Variants in TBCK observed in about 807,000 individuals in gnomAD.
The protein encoded by TBCK is TBC1 domain containing kinase.
TBCK carries 99 observed loss-of-function variants against 113.4 expected under a neutral mutation model. That is an observed-to-expected ratio of 0.87 (90% CI 0.74 to 1.03). The LOEUF (loss-of-function observed/expected upper bound fraction) is 1.03. Ranked by LOEUF, TBCK falls within the 50% of genes least tolerant of loss-of-function variation. TBCK has a pLI of 0.00. For synonymous variants in TBCK, 369 were observed against 370.8 expected, an observed-to-expected ratio of 1.00 and a Z score of 0.05; for missense variants, 1,045 against 1,061.3, an observed-to-expected ratio of 0.98 and a Z score of 0.21.
At chr4:106,294,813 G>A (rs1441514109) in intron 3 of TBCK, among the ~76,000 whole-genome samples, 3 of 152,112 alleles carry the variant, frequency 2.0e-5, no homozygotes, top group Admixed American at 6.5e-5. Context: ...CTAGTGAAAT[G>A]CTTAGTACTA....
At chr4:106,235,409 A>G (rs1579342832) in intron 14 of TBCK, 42 bp from the exon 15 acceptor site, 1 of 1,377,816 alleles carries the variant, frequency 7.3e-7, no homozygotes, top group Non-Finnish European at 1.0e-6. Flanking sequence ...CAAATTACCT[A>G]GTGCCATCTT....
intron 23 of TBCK, among the ~76,000 whole-genome samples, chr4:106,166,362 G>A (rs1371841924): frequency 6.6e-6 from 1 of 151,800 alleles, no homozygotes; most frequent in East Asian, 1.9e-4. Flanking sequence ...TGAACTTACA[G>A]AAGTGGTTTT....
intron 2 of TBCK, 67 bp downstream of exon 2, chr4:106,308,701 T>C: frequency 7.2e-7 from 1 of 1,381,306 alleles, no homozygotes; most frequent in Non-Finnish European, 1.0e-6. Flanking sequence ...ATTTAGTGGA[T>C]ATAGTATTTA....
chr4:106,271,859 G>A (rs1763523635), intron 3 of TBCK, among the ~76,000 whole-genome samples: 3 of 152,054 alleles, frequency 2.0e-5, no homozygotes, highest in Admixed American at 2.0e-4. Context: ...TCCCACCAAT[G>A]GAAGAATTTT....
intron 24 of TBCK, among the ~76,000 whole-genome samples, chr4:106,113,093 C>A (rs560735786): frequency 6.6e-6 from 1 of 152,326 alleles, no homozygotes; most frequent in Admixed American, 6.5e-5. Context: ...CCTGGAGAGT[C>A]CACCCGATAT....
chr4:106,131,602 A>G (rs948284221), intron 23 of TBCK, among the ~76,000 whole-genome samples: 3 of 152,196 alleles, frequency 2.0e-5, no homozygotes, highest in Admixed American at 6.5e-5. Context: ...AACAAAAGCA[A>G]AACTCCATCT....
chr4:106,102,270 T>C (rs17036578), intron 24 of TBCK, among the ~76,000 whole-genome samples: 1,720 of 152,326 alleles, frequency 0.011, 31 homozygotes, highest in African/African-American at 0.039. Flanking sequence ...TTGGCCCACA[T>C]TGGGGTTTGG....
intron 3 of TBCK, among the ~76,000 whole-genome samples, chr4:106,294,050 A>C (rs1766001095): frequency 6.6e-6 from 1 of 152,200 alleles, no homozygotes; most frequent in Non-Finnish European, 1.5e-5. Flanking sequence ...AATTGCATTT[A>C]AACTGTATCA....
At chr4:106,152,266 A>G (rs1488254072) in intron 23 of TBCK, among the ~76,000 whole-genome samples, 4 of 151,898 alleles carry the variant, frequency 2.6e-5, no homozygotes. Flanking sequence ...TTCTAAACCC[A>G]GTTTTGTGAG....
At chr4:106,120,256 AC>A (rs767800081) in intron 23 of TBCK, among the ~76,000 whole-genome samples, 11 of 151,880 alleles carry the variant, frequency 7.2e-5, no homozygotes, top group African/African-American at 2.2e-4. Context: ...CGCTTTTCGG[AC>A]CCCCTTAAAA....
chr4:106,308,663 T>G, intron 2 of TBCK, 105 bp downstream of exon 2: 1 of 1,005,094 alleles, frequency 9.9e-7, no homozygotes, highest in Non-Finnish European at 1.4e-6. Flanking sequence ...AGGACATGTG[T>G]GCACTGGTAC....
chr4:106,236,615 A>T, intron 13 of TBCK, 96 bp from the exon 14 acceptor site: 1 of 1,199,218 alleles, frequency 8.3e-7, no homozygotes, highest in Non-Finnish European at 1.1e-6. Flanking sequence ...GATTTCAGAA[A>T]AAGCACAAAA....
chr4:106,247,031 T>C (rs1760892799), intron 10 of TBCK, 108 bp downstream of exon 10: 1 of 1,129,568 alleles, frequency 8.9e-7, no homozygotes, highest in Admixed American at 2.7e-5. Context: ...TTAATTCCCA[T>C]GATCCCACCA....
intron 2 of TBCK, among the ~76,000 whole-genome samples, chr4:106,296,232 G>A (rs780175477): frequency 3.2e-4 from 49 of 152,266 alleles, no homozygotes; most frequent in Admixed American, 5.2e-4. Context: ...ACAAGCTTTT[G>A]GGGATTTGAC....
intron 23 of TBCK, among the ~76,000 whole-genome samples, chr4:106,159,308 A>C (rs914739033): frequency 6.6e-6 from 1 of 152,112 alleles, no homozygotes; most frequent in Non-Finnish European, 1.5e-5. Context: ...AGGCAAGAAA[A>C]AGAAAAGCCA....
intron 25 of TBCK, among the ~76,000 whole-genome samples, chr4:106,054,705 CA>C (rs1359386193): frequency 6.6e-6 from 1 of 151,618 alleles, no homozygotes; most frequent in Non-Finnish European, 1.5e-5. Context: ...TTCATTCATT[CA>C]ACAAATACTT....
rs368854911 is a variant in TBCK, at chr4:106,157,588, G to A, written c.2235+13507C>T. 2.7e-4 allele frequency among the ~76,000 whole-genome samples: 41 copies of A among 152,208 alleles called. No homozygotes were observed. In the South Asian group the frequency reaches 5.6e-3, roughly 21 times the overall value. ...ATATCTTCTCTGAGGGTGGGCATTA[G>A]CTAAGTGCAGCCTGGTTTTGCATTC... On this transcript the variant is annotated intron_variant, in intron 23 of 25. Coordinates refer to ENST00000394708, the MANE Select transcript of TBCK (RefSeq NM_001163435.3).
chr4:106,252,064 A>G (rs1761498922), intron 5 of TBCK, 57 bp from the exon 6 acceptor site: 7 of 1,398,872 alleles, frequency 5.0e-6, no homozygotes, highest in South Asian at 1.4e-5. Flanking sequence ...GCGATAGTAC[A>G]TTTTTACAAT....
Position 106,230,431 on chromosome 4 carries a change from C to CA in TBCK, c.1705dup (p.Cys569LeufsTer12). The CA allele has an allele frequency of 6.2e-7, 1 of 1,601,278 alleles. No individual in the cohort carries two copies. The highest frequency in any genetic ancestry group is 8.5e-7 in the Non-Finnish European group (1 of 1,171,506). ...GTATTTGGGAATAAAAGCAGACATA[C>CA]ATGCATAAGCCAAGGCTAAAAGAGA... On this transcript the variant is annotated frameshift_variant, in exon 19 of 26. Coordinates refer to ENST00000394708, the MANE Select transcript of TBCK (RefSeq NM_001163435.3). LOFTEE classifies it high-confidence loss of function.
Sources: gnomAD v4.1 joint callset for allele counts (sites outside exome capture counted in the v4.1 genomes callset) on GRCh38, gnomAD v4.1.1 for gene constraint, MANE v1.5 for transcripts, NCBI Gene and HGNC (gene_info 2026-07-23, HGNC 2026-07-21) for gene names.